Variants in KNTC1 observed in about 807,000 individuals in gnomAD.
KNTC1 encodes kinetochore-associated protein 1.
KNTC1 carries 253 observed loss-of-function variants against 314.4 expected under a neutral mutation model. The observed-to-expected ratio is 0.80, with a 90% CI of 0.73 to 0.89. The LOEUF (loss-of-function observed/expected upper bound fraction) is 0.89, where lower values mean the gene tolerates loss of function less well. Ranked by LOEUF, KNTC1 falls within the 40% of genes least tolerant of loss-of-function variation. KNTC1 has a pLI of 0.00. For synonymous variants in KNTC1, 901 were observed against 901.4 expected, an observed-to-expected ratio of 1.00 and a Z score of 0.01; for missense variants, 2,475 against 2,572.9, an observed-to-expected ratio of 0.96 and a Z score of 0.82.
intron 36 of KNTC1, 98 bp from the exon 37 acceptor site, chr12:122,585,538 T>C (rs1869138996): frequency 2.2e-6 from 3 of 1,344,582 alleles, no homozygotes; most frequent in African/African-American, 1.5e-5. Context: ...CTGTTAGAGT[T>C]TAACTTAAAA....
At chr12:122,618,460 T>TG (rs2138183150) in intron 58 of KNTC1, 22 bp from the exon 59 acceptor site, 2 of 1,576,622 alleles carry the variant, frequency 1.3e-6, no homozygotes, top group Non-Finnish European at 8.7e-7. Context: ...ATATCATGGT[T>TG]GTTTTTTTGT....
chr12:122,587,255 G>A (rs1409092820), intron 38 of KNTC1, among the ~76,000 whole-genome samples: 1 of 151,952 alleles, frequency 6.6e-6, no homozygotes, highest in Non-Finnish European at 1.5e-5. Context: ...CTCCAGCCTG[G>A]GCAACAGAAG....
At position 122,579,911 on chromosome 12, in the gene KNTC1, G is replaced by T. The variant is rs1965291078; in HGVS notation, c.2848G>T (p.Ala950Ser). The T allele has an allele frequency of 6.2e-7, 1 of 1,606,058 alleles. No individual in the cohort carries two copies. The highest frequency in any genetic ancestry group is 8.5e-7 in the Non-Finnish European group (1 of 1,173,296). ...EEPDHSKEGK[A>S]WRMSVAKTSV... The stretch of plus-strand genomic sequence containing the variant: ...TTTATTTATTTATTTTTAGGGCAAG[G>T]CCTGGAGAATGTCTGTAGCGAAGAC... Residue 950 changes from alanine to serine, a missense_variant, in exon 32 of 64, where the codon GCC (alanine) becomes TCC (serine). Transcript: ENST00000333479.
At position 122,575,896 on chromosome 12, in the gene KNTC1, A is replaced by G. The variant is rs959739552; in HGVS notation, c.2583A>G (p.Ile861Met). Reference sequence around the variant, plus strand: ...AGGTAAATCTCTTAAACAAGGAAATAATGGTAAGTACACTCTTCGAAGAGT... The same window carrying G: ...AGGTAAATCTCTTAAACAAGGAAATGATGGTAAGTACACTCTTCGAAGAGT... ...IREVNLLNKE[I>M]MRVVRYILKQ... Residue 861 changes from isoleucine to methionine, a missense_variant, in exon 29 of 64, where the codon ATA (isoleucine) becomes ATG (methionine). Ile to Met is a conservative substitution (Grantham distance 10). Coordinates refer to ENST00000333479, the MANE Select transcript of KNTC1 (RefSeq NM_014708.6). 6.2e-7 allele frequency: 1 copy of G among 1,610,308 alleles called. No individual in the cohort carries two copies. Among genetic ancestry groups the G allele is most frequent in the Non-Finnish European group, 8.5e-7 (1 of 1,178,884 alleles).
intron 11 of KNTC1, 38 bp downstream of exon 11, chr12:122,547,568 G>T (rs762197178): frequency 8.2e-7 from 1 of 1,213,496 alleles, no homozygotes; most frequent in South Asian, 1.2e-5. Context: ...TTTCCCTTCT[G>T]TTAGTACCAG....
intron 62 of KNTC1, among the ~76,000 whole-genome samples, chr12:122,623,905 A>G (rs982274547): frequency 6.6e-5 from 10 of 152,124 alleles, no homozygotes; most frequent in Admixed American, 3.9e-4. Flanking sequence ...TGTCTCTACT[A>G]AAAATACAAA....
intron 18 of KNTC1, among the ~76,000 whole-genome samples, chr12:122,557,972 C>T (rs541803269): frequency 2.6e-5 from 4 of 152,172 alleles, no homozygotes; most frequent in South Asian, 4.1e-4. Context: ...TATCCCAGAC[C>T]GGACGTGGTG....
chr12:122,553,966 C>A (rs1593525252), intron 16 of KNTC1, among the ~76,000 whole-genome samples: 1 of 150,600 alleles, frequency 6.6e-6, no homozygotes, highest in Admixed American at 6.7e-5. Flanking sequence ...GAAAGCCTTA[C>A]TGTAGTTGGT....
intron 2 of KNTC1, among the ~76,000 whole-genome samples, chr12:122,533,507 C>T (rs1012081803): frequency 2.0e-5 from 3 of 151,950 alleles, no homozygotes; most frequent in Non-Finnish European, 2.9e-5. Flanking sequence ...CCAGCCTGGC[C>T]AACACAGTGA....
chr12:122,594,777 G>A (rs187977708), intron 43 of KNTC1, among the ~76,000 whole-genome samples: 25 of 152,290 alleles, frequency 1.6e-4, no homozygotes, highest in Admixed American at 9.8e-4. Context: ...TCTAAATCAG[G>A]TTAACTAGGG....
chr12:122,618,816 G>T (rs1440179162), intron 59 of KNTC1, among the ~76,000 whole-genome samples: 1 of 151,742 alleles, frequency 6.6e-6, no homozygotes, highest in Admixed American at 6.6e-5. Context: ...TTACAGGCAC[G>T]TGCCACCATG....
chr12:122,531,048 CTT>C (rs879544737), intron 2 of KNTC1, among the ~76,000 whole-genome samples: 2 of 142,800 alleles, frequency 1.4e-5, no homozygotes, highest in African/African-American at 2.5e-5. Flanking sequence ...GTATTTAATT[CTT>C]TTTTTTTTTT....
chr12:122,570,815 G>A, intron 22 of KNTC1, 61 bp from the exon 23 acceptor site: 1 of 1,027,134 alleles, frequency 9.7e-7, no homozygotes, highest in Non-Finnish European at 1.4e-6. Flanking sequence ...AAATCGTGGA[G>A]GTTTTTAGTT....
chr12:122,599,425 G>T (rs1201068640), intron 44 of KNTC1, among the ~76,000 whole-genome samples: 1 of 151,724 alleles, frequency 6.6e-6, no homozygotes, highest in Non-Finnish European at 1.5e-5. Flanking sequence ...TAATGGCGCA[G>T]TCTCGGCTCG....
At chr12:122,544,069 T>G (rs965090493) in intron 7 of KNTC1, 90 bp from the exon 8 acceptor site, 3 of 560,672 alleles carry the variant, frequency 5.4e-6, no homozygotes, top group African/African-American at 4.0e-5. Flanking sequence ...AAAAAAAAAT[T>G]TATAACTGAT....
Position 122,547,943 on chromosome 12 carries a change from G to T in KNTC1, c.961G>T (p.Ala321Ser). 6.4e-7 allele frequency: 1 copy of T among 1,551,008 alleles called. No individual in the cohort carries two copies. Among genetic ancestry groups the T allele is most frequent in the East Asian group, 2.3e-5 (1 of 43,608 alleles). Residue 321 changes from alanine to serine, a missense_variant, in exon 12 of 64, where the codon GCT becomes TCT. Ala to Ser is a moderately conservative substitution (Grantham distance 99, BLOSUM62 1). Transcript: ENST00000333479. ...AGGAATTACAAATCTCAAATTAATA[G>T]CTCTGACAGCTTCAGCTAATAAGAA... is the stretch of plus-strand genomic sequence containing the variant. ...WQGITNLKLI[A>S]LTASANKKMK...
chr12:122,555,509 C>T (rs1963521718), intron 16 of KNTC1, among the ~76,000 whole-genome samples: 1 of 151,996 alleles, frequency 6.6e-6, no homozygotes, highest in African/African-American at 2.4e-5. Flanking sequence ...TGAGGTTACA[C>T]TTACTGCACT....
chr12:122,601,404 G>A, intron 44 of KNTC1, 132 bp from the exon 45 acceptor site: 1 of 834,426 alleles, frequency 1.2e-6, no homozygotes, highest in Non-Finnish European at 1.7e-6. Flanking sequence ...TCATTTTTAA[G>A]GGAGTAATTA....
In KNTC1 at chr12:122,551,706, C is replaced by T. The variant is rs892737567; in HGVS notation, c.1272+10C>T. ...TGGACTAGATGTTGAGGTAATCATT[C>T]ATGTATTCATTTGTTCACCAAACAA... On this transcript the variant is annotated intron_variant, in intron 16 of 63. Coordinates refer to ENST00000333479, the MANE Select transcript of KNTC1 (RefSeq NM_014708.6). 2 of 1,595,682 alleles carry T rather than the reference C, an allele frequency of 1.3e-6. No homozygotes were observed. Among genetic ancestry groups the T allele is most frequent in the Middle Eastern group, 1.7e-4 (1 of 6,022 alleles).
Sources: gnomAD v4.1 joint callset for allele counts (sites outside exome capture counted in the v4.1 genomes callset) on GRCh38, gnomAD v4.1.1 for gene constraint, MANE v1.5 for transcripts, NCBI Gene and HGNC (gene_info 2026-07-23, HGNC 2026-07-21) for gene names.